Variants in TUBGCP5 observed in about 807,000 individuals in gnomAD.
TUBGCP5 encodes the protein gamma-tubulin complex component 5.
A neutral mutation model predicts 134.7 loss-of-function variants in TUBGCP5; 98 were observed. The observed-to-expected ratio is 0.73, with a 90% CI of 0.62 to 0.86. The LOEUF (loss-of-function observed/expected upper bound fraction) is 0.86, where lower values mean the gene tolerates loss of function less well. TUBGCP5 is among the 40% of genes least tolerant of loss of function. TUBGCP5 has a pLI of 0.00. For synonymous variants in TUBGCP5, 456 were observed against 431.4 expected (o/e 1.06, Z -0.71); for missense variants, 1,150 against 1,244.8 (o/e 0.92, Z 1.15).
chr15:23,011,644 A>G (rs1004957202), intron 13 of TUBGCP5, among the ~76,000 whole-genome samples: 2 of 149,232 alleles, frequency 1.3e-5, no homozygotes, highest in African/African-American at 4.9e-5. Context: ...AGCTGGGATT[A>G]CAGGCATGTG....
intron 6 of TUBGCP5, among the ~76,000 whole-genome samples, chr15:23,027,950 A>G (rs2140616452): frequency 6.6e-6 from 1 of 152,256 alleles, no homozygotes; most frequent in Admixed American, 6.5e-5. Context: ...AAGTCTCAGG[A>G]CTGGTGCTAA....
intron 3 of TUBGCP5, among the ~76,000 whole-genome samples, chr15:23,034,031 T>G (rs1235271366): frequency 6.6e-6 from 1 of 152,200 alleles, no homozygotes; most frequent in Non-Finnish European, 1.5e-5. Context: ...GAATAAGCCT[T>G]GGCCAGCTTG....
At position 23,020,867 on chromosome 15, in the gene TUBGCP5, T is replaced by C. The variant is rs116097794; in HGVS notation, c.1371+1092A>G. 7.0e-3 allele frequency among the ~76,000 whole-genome samples: 1,072 copies of C among 152,138 alleles called. 5 individuals carry two copies. The highest frequency in any genetic ancestry group is 0.023 in the African/African-American group (945 of 41,520). ...CATCTTCCTGCCTTAGCCTCTCGAG[T>C]ACCTGGGACCATAGGCATGTGCCTC... On this transcript the variant is annotated intron_variant, in intron 11 of 22. Coordinates refer to ENST00000615383, the MANE Select transcript of TUBGCP5 (RefSeq NM_052903.6).
intron 23 of TUBGCP5, among the ~76,000 whole-genome samples, chr15:22,992,946 T>A (rs918413967): frequency 4.6e-4 from 68 of 147,972 alleles, no homozygotes; most frequent in African/African-American, 1.6e-3. Flanking sequence ...GAGAAAGATT[T>A]AAAAAAAAAA....
chr15:23,027,147 A>G (rs748175057), intron 7 of TUBGCP5, 45 bp downstream of exon 7: 1 of 1,420,938 alleles, frequency 7.0e-7, no homozygotes, highest in Non-Finnish European at 9.7e-7. Flanking sequence ...TTAAACATCA[A>G]AGTTTCTTCT....
In TUBGCP5 at chr15:23,011,282, G is replaced by A. The variant is rs1378192037; in HGVS notation, c.1806C>T (p.Ser602=). The stretch of plus-strand genomic sequence containing the variant: ...TGGAATCTTCTCCATGTCGAAGACG[G>A]GACTGTACAGATTCCAGAAAGAGAG... The part of the protein sequence containing the change: ...LYTLFLESVQ[S]RLRHGEDSTP... The change falls in exon 14 of 23, where the codon TCC becomes TCT. Residue 602 remains serine, a synonymous_variant. Transcript: ENST00000615383. The A allele has an allele frequency of 6.2e-7, 1 of 1,613,882 alleles. No homozygotes were observed. The highest frequency in any genetic ancestry group is 8.5e-7 in the Non-Finnish European group (1 of 1,179,992).
In TUBGCP5 at chr15:23,039,508, G is replaced by C. The variant is rs754179385; in HGVS notation, c.36C>G (p.Asp12Glu). Residue 12 changes from aspartate to glutamate, a missense_variant, in exon 1 of 23, where the codon GAC becomes GAG. Asp to Glu is a conservative substitution (Grantham distance 45, BLOSUM62 2). Around this residue, in one of 2 missense-constraint regions of TUBGCP5, gnomAD observed 453 missense variants for 394.7 expected, o/e 1.15. Coordinates refer to ENST00000615383, the MANE Select transcript of TUBGCP5 (RefSeq NM_052903.6). ...ARHGPPWSRL[D>E]AQQERDVREL... The stretch of plus-strand genomic sequence containing the variant: ...CCCGCACGTCGCGCTCCTGCTGCGC[G>C]TCCAACCGACTCCACGGTGGCCCGT... 2 of 1,505,072 alleles carry C rather than the reference G, an allele frequency of 1.3e-6. No homozygotes were observed. The highest frequency in any genetic ancestry group is 5.5e-5 in the East Asian group (2 of 36,532). The allele number at this position is 1,505,072 out of a possible 1,614,324, so 93.2% of individuals were successfully genotyped here.
At chr15:22,985,238 G>A (rs551484962) in intron 23 of TUBGCP5, among the ~76,000 whole-genome samples, 155 of 151,746 alleles carry the variant, frequency 1.0e-3, no homozygotes, top group African/African-American at 3.7e-3. Context: ...TTTTTTTTGA[G>A]ATGGAGTTTC....
intron 16 of TUBGCP5, among the ~76,000 whole-genome samples, chr15:23,008,248 C>T (rs1027001562): frequency 2.0e-5 from 3 of 152,044 alleles, no homozygotes; most frequent in Admixed American, 1.3e-4. Context: ...AGGAGAGTCA[C>T]ATAGCTAGCC....
At chr15:23,038,667 TATTAAC>T (rs1267621069) in intron 1 of TUBGCP5, among the ~76,000 whole-genome samples, 3 of 152,206 alleles carry the variant, frequency 2.0e-5, no homozygotes, top group Non-Finnish European at 4.4e-5. Context: ...ACAGGTAGAA[TATTAAC>T]ATTAACATTT....
intron 13 of TUBGCP5, among the ~76,000 whole-genome samples, chr15:23,016,405 A>C (rs1449085424): frequency 6.6e-6 from 1 of 151,880 alleles, no homozygotes; most frequent in Non-Finnish European, 1.5e-5. Context: ...GAAGCAGGAG[A>C]ATCACTTGAG....
intron 19 of TUBGCP5, 55 bp downstream of exon 19, chr15:23,005,377 C>A (rs991616048): frequency 6.4e-7 from 1 of 1,557,812 alleles, no homozygotes; most frequent in African/African-American, 1.4e-5. Context: ...TAATTCTCTA[C>A]GAACAACTGT....
chr15:23,033,279 A>T (rs1043172895), intron 3 of TUBGCP5, among the ~76,000 whole-genome samples: 1 of 151,754 alleles, frequency 6.6e-6, no homozygotes, highest in East Asian at 1.9e-4. Context: ...ATGTTGTTTC[A>T]TATTTTTTTT....
At position 23,037,309 on chromosome 15, in the gene TUBGCP5, C is replaced by T. The variant is rs1243629126; in HGVS notation, c.147-157G>A. Among the ~76,000 whole-genome samples, 4 of 152,266 alleles carry T rather than the reference C, an allele frequency of 2.6e-5. No homozygotes were observed. In the South Asian group the frequency reaches 6.2e-4, roughly 24 times the overall value. ...TCCGTTACCTCCACCATCAGGCAGG[C>T]AAATAATCACCGTGTCCGAGACTGT... On this transcript the variant is annotated intron_variant, in intron 1 of 22. Transcript: ENST00000615383.
At chr15:23,003,981 T>C in intron 20 of TUBGCP5, 121 bp downstream of exon 20, 1 of 1,315,316 alleles carries the variant, frequency 7.6e-7, no homozygotes, top group Non-Finnish European at 1.0e-6. Context: ...CCTCATTTCA[T>C]CTGGTTCTTC....
chr15:23,032,438 T>C (rs897832034), intron 4 of TUBGCP5, among the ~76,000 whole-genome samples: 5 of 152,212 alleles, frequency 3.3e-5, no homozygotes, highest in Non-Finnish European at 5.9e-5. Flanking sequence ...GTAAATGCTA[T>C]GTAAATAGTT....
chr15:23,025,138 G>A (rs1013143204), intron 8 of TUBGCP5, among the ~76,000 whole-genome samples: 2 of 152,150 alleles, frequency 1.3e-5, no homozygotes, highest in Admixed American at 1.3e-4. Flanking sequence ...CTGAGCTCAA[G>A]TGATCCACCT....
In TUBGCP5 at chr15:22,987,895, CAAAAAAAA is replaced by C. The variant is rs869168765; in HGVS notation, c.*62-4292_*62-4285del. Among the ~76,000 whole-genome samples the C allele has an allele frequency of 8.6e-3, 176 of 20,488 alleles. 1 individual carries two copies. Among genetic ancestry groups the C allele is most frequent in the African/African-American group, 0.022 (130 of 5,858 alleles). The allele number at this position is 20,488 out of a possible 152,430, so 13.4% of individuals were successfully genotyped here. A position where few individuals can be genotyped will look rare whatever the true frequency, so the allele number is the denominator to read the frequency against. ...TGGGTGACAGAGCGAGACTCCATCT[CAAAAAAAA>C]AAAAAAAAAAAAAAAAAAAAGACAC... is the stretch of plus-strand genomic sequence containing the variant. On this transcript the variant is annotated intron_variant and NMD_transcript_variant, in intron 23 of 23. Coordinates refer to the TUBGCP5 transcript ENST00000614508.
intron 3 of TUBGCP5, among the ~76,000 whole-genome samples, chr15:23,034,020 T>C: frequency 6.6e-6 from 1 of 152,188 alleles, no homozygotes; most frequent in Non-Finnish European, 1.5e-5. Context: ...CTTATTTTCA[T>C]GAATAAGCCT....
Sources: gnomAD v4.1 joint callset for allele counts (sites outside exome capture counted in the v4.1 genomes callset) on GRCh38, gnomAD v4.1.1 for gene constraint, gnomAD v4.1.1 regional missense constraint, MANE v1.5 for transcripts, NCBI Gene and HGNC (gene_info 2026-07-23, HGNC 2026-07-21) for gene names.